FANCC: variants seen among roughly 807,000 people sequenced by gnomAD.
FANCC encodes the protein Fanconi anemia group C protein.
In FANCC, 55 loss-of-function variants were observed where a neutral mutation model predicts 71.3. That is an observed-to-expected ratio of 0.77 (90% CI 0.62 to 0.97). The LOEUF (loss-of-function observed/expected upper bound fraction) is 0.97, where lower values mean the gene tolerates loss of function less well. FANCC is among the 50% of genes least tolerant of loss of function. The pLI, the probability that FANCC is intolerant of heterozygous loss-of-function variation, is 0.00. For synonymous variants in FANCC, 275 were observed against 244.9 expected (o/e 1.12, Z -1.15); for missense variants, 678 against 670.9 (o/e 1.01, Z -0.12).
chr9:95,188,100 A>T (rs1826843649), intron 4 of FANCC, among the ~76,000 whole-genome samples: 2 of 151,888 alleles, frequency 1.3e-5, no homozygotes. Flanking sequence ...GACACAGGCC[A>T]AATGTCTAGA....
intron 1 of FANCC, among the ~76,000 whole-genome samples, chr9:95,291,697 C>T (rs1285126145): frequency 6.6e-6 from 1 of 151,920 alleles, no homozygotes; most frequent in Non-Finnish European, 1.5e-5. Flanking sequence ...CCTGTAATCC[C>T]AGCACTTTGG....
intron 2 of FANCC, among the ~76,000 whole-genome samples, chr9:95,247,977 G>A (rs970609106): frequency 6.6e-6 from 1 of 152,166 alleles, no homozygotes; most frequent in African/African-American, 2.4e-5. Flanking sequence ...TTAAAGGGAT[G>A]AGAACTCTGG....
At chr9:95,174,604 C>A (rs1255346377) in intron 4 of FANCC, among the ~76,000 whole-genome samples, 1 of 151,928 alleles carries the variant, frequency 6.6e-6, no homozygotes, top group Non-Finnish European at 1.5e-5. Context: ...GTATGTGCTT[C>A]TTTTACTACC....
chr9:95,270,382 A>C (rs1226646437), intron 1 of FANCC, among the ~76,000 whole-genome samples: 1 of 152,224 alleles, frequency 6.6e-6, no homozygotes, highest in Non-Finnish European at 1.5e-5. Context: ...CACTCCAGAG[A>C]TCAGCCACCC....
In FANCC at chr9:95,135,384, G is replaced by C. The variant is rs762322090; in HGVS notation, c.805C>G (p.Leu269Val). The C allele has an allele frequency of 1.2e-6, 2 of 1,614,034 alleles. No homozygotes were observed. The highest frequency in any genetic ancestry group is 8.5e-7 in the Non-Finnish European group (1 of 1,179,998). The change falls in exon 8 of 15, where the codon CTG (leucine) becomes GTG (valine). Residue 269 changes from leucine to valine, a missense_variant. Coordinates refer to ENST00000289081, the MANE Select transcript of FANCC (RefSeq NM_000136.3). Reference protein sequence around the residue: ...EKLISSERNCLRRIECFIKDS... With the variant: ...EKLISSERNCVRRIECFIKDS... Reference sequence around the variant, plus strand: ...TTTATAAAGCATTCGATCCTTCTCAGACAATTTCTCTCACTGGAGATTAGC... The same window carrying C: ...TTTATAAAGCATTCGATCCTTCTCACACAATTTCTCTCACTGGAGATTAGC...
At position 95,101,828 on chromosome 9, in the gene FANCC, G is replaced by GT. The variant is rs794726667; in HGVS notation, c.1555dup (p.Thr519AsnfsTer9). 6 of 1,613,938 alleles carry GT rather than the reference G, an allele frequency of 3.7e-6. No homozygotes were observed. The highest frequency in any genetic ancestry group is 5.1e-6 in the Non-Finnish European group (6 of 1,180,010). On this transcript the variant is annotated frameshift_variant, in exon 15 of 15. Transcript: ENST00000289081. LOFTEE classifies it low-confidence loss of function (END_TRUNC). ...GTCAAGAAAGCCAATGATCTCGTGA[G>GT]TTATCTCAGCAGTGTGAGCCATCTG...
chr9:95,223,233 T>G (rs1041647421), intron 4 of FANCC, among the ~76,000 whole-genome samples: 2 of 152,184 alleles, frequency 1.3e-5, no homozygotes, highest in Non-Finnish European at 2.9e-5. Flanking sequence ...ATACTAGAAT[T>G]CTGACAGCAA....
intron 10 of FANCC, among the ~76,000 whole-genome samples, chr9:95,119,361 TTTTC>T (rs894887115): frequency 3.1e-5 from 2 of 65,562 alleles, no homozygotes; most frequent in Non-Finnish European, 2.7e-5. Context: ...TCTTTCTTCC[TTTTC>T]TTTTTTTTTT....
chr9:95,300,456 CTT>C (rs755514648), intron 1 of FANCC, among the ~76,000 whole-genome samples: 8 of 143,220 alleles, frequency 5.6e-5, no homozygotes, highest in South Asian at 2.2e-4. Context: ...AATACAATTT[CTT>C]TTTTTTTTTT....
chr9:95,179,259 A>C (rs1177251902), intron 4 of FANCC, among the ~76,000 whole-genome samples: 1 of 152,212 alleles, frequency 6.6e-6, no homozygotes, highest in South Asian at 2.1e-4. Flanking sequence ...CTTTGTTAGA[A>C]ATACAAACTC....
At chr9:95,247,214 T>C (rs201371150) in intron 3 of FANCC, among the ~76,000 whole-genome samples, 2 of 147,988 alleles carry the variant, frequency 1.4e-5, no homozygotes, top group Non-Finnish European at 3.0e-5. Flanking sequence ...CGTGCACGCG[T>C]GTGTGTGTGT....
At chr9:95,267,761 A>T (rs988940735) in intron 1 of FANCC, among the ~76,000 whole-genome samples, 4 of 152,352 alleles carry the variant, frequency 2.6e-5, no homozygotes, top group African/African-American at 4.8e-5. Context: ...GGTGCTTTTT[A>T]AAAAAGCTAA....
chr9:95,194,970 C>T (rs1827337877), intron 4 of FANCC, among the ~76,000 whole-genome samples: 1 of 152,054 alleles, frequency 6.6e-6, no homozygotes, highest in Non-Finnish European at 1.5e-5. Flanking sequence ...GAGGCTGAGG[C>T]AGACAGATCA....
intron 8 of FANCC, among the ~76,000 whole-genome samples, chr9:95,133,702 T>C (rs1398329551): frequency 1.3e-5 from 2 of 152,114 alleles, no homozygotes; most frequent in Non-Finnish European, 2.9e-5. Flanking sequence ...TTAAGGAAAA[T>C]GTCATAAGCA....
At position 95,249,277 on chromosome 9, in the gene FANCC, T is replaced by C. The variant is rs778408360; in HGVS notation, c.15A>G (p.Ser5=). Reference sequence around the variant, plus strand: ...ACTGATAATCACAAGAAAGATCTACTGAATCTTGAGCCATCTTGGAAAAAG... The same window carrying C: ...ACTGATAATCACAAGAAAGATCTACCGAATCTTGAGCCATCTTGGAAAAAG... MAQD[S]VDLSCDYQFW... Residue 5 remains serine, a synonymous_variant, in exon 2 of 15, where the codon TCA becomes TCG. Coordinates refer to ENST00000289081, the MANE Select transcript of FANCC (RefSeq NM_000136.3). The C allele has an allele frequency of 1.1e-5, 18 of 1,613,980 alleles. No homozygotes were observed. Among genetic ancestry groups the C allele is most frequent in the Middle Eastern group, 1.6e-4 (1 of 6,084 alleles).
At chr9:95,187,711 C>T (rs1001947691) in intron 4 of FANCC, among the ~76,000 whole-genome samples, 23 of 151,994 alleles carry the variant, frequency 1.5e-4, no homozygotes, top group Non-Finnish European at 2.8e-4. Context: ...TCTTTATCTC[C>T]TGTGCACTAG....
intron 7 of FANCC, among the ~76,000 whole-genome samples, chr9:95,146,904 A>AT (rs1275849898): frequency 2.4e-4 from 36 of 152,212 alleles, no homozygotes; most frequent in African/African-American, 8.7e-4. Context: ...ACGTGGAAAC[A>AT]TAAGAAGAAA....
intron 6 of FANCC, among the ~76,000 whole-genome samples, chr9:95,160,186 T>C (rs1454885860): frequency 1.3e-5 from 2 of 152,188 alleles, no homozygotes; most frequent in African/African-American, 4.8e-5. Flanking sequence ...CTTTAATCCA[T>C]CTTGAATTAA....
intron 7 of FANCC, among the ~76,000 whole-genome samples, chr9:95,140,980 T>C (rs1564686847): frequency 6.6e-6 from 1 of 152,048 alleles, no homozygotes; most frequent in African/African-American, 2.4e-5. Context: ...AAGTTTTCTG[T>C]GACTCAATTT....
Sources: gnomAD v4.1 joint callset for allele counts (sites outside exome capture counted in the v4.1 genomes callset) on GRCh38, gnomAD v4.1.1 for gene constraint, MANE v1.5 for transcripts, NCBI Gene and HGNC (gene_info 2026-07-23, HGNC 2026-07-21) for gene names.